The following MALRD1 variants were observed in gnomAD, a reference collection of about 807,000 sequenced individuals.
MALRD1 encodes MAM and LDL receptor class A domain containing 1, also known as MAM and LDL-receptor class A domain-containing protein 1.
Under a neutral mutation model 242.1 loss-of-function variants are expected in MALRD1, and 247 were observed. The observed-to-expected ratio is 1.02, with a 90% CI of 0.92 to 1.13. The LOEUF is 1.13. Ranked by LOEUF, MALRD1 falls within the 50% of genes most tolerant of loss-of-function variation. The pLI, the probability that MALRD1 is intolerant of heterozygous loss-of-function variation, is 0.00. For missense variants in MALRD1, 2,989 were observed against 2,533.1 expected (o/e 1.18, Z -3.86); for synonymous variants, 995 against 866.6 (o/e 1.15, Z -2.60).
At chr10:19,304,658 G>C (rs539703742) in intron 21 of MALRD1, among the ~76,000 whole-genome samples, 1 of 151,692 alleles carries the variant, frequency 6.6e-6, no homozygotes, top group Non-Finnish European at 1.5e-5. Context: ...TAACCTGCAT[G>C]TTGATTTGTG....
chr10:19,436,373 T>C (rs958235219), intron 28 of MALRD1, among the ~76,000 whole-genome samples: 6 of 152,186 alleles, frequency 3.9e-5, no homozygotes, highest in African/African-American at 1.4e-4. Flanking sequence ...CCAACTACAG[T>C]CTATTACCAC....
At chr10:19,228,302 C>A (rs917953467) in intron 18 of MALRD1, among the ~76,000 whole-genome samples, 2 of 152,062 alleles carry the variant, frequency 1.3e-5, no homozygotes, top group African/African-American at 4.8e-5. Flanking sequence ...ATGAAAGACA[C>A]CAATGTATCA....
At position 19,215,740 on chromosome 10, in the gene MALRD1, T is replaced by C. The variant is rs982356477; in HGVS notation, c.2991+6060T>C. Among the ~76,000 whole-genome samples, 23 of 87,420 alleles carry C rather than the reference T, an allele frequency of 2.6e-4. 9 individuals are homozygous for C. In the South Asian group the frequency reaches 2.9e-3, roughly 11 times the overall value. 57.4% of individuals were successfully genotyped at this position (87,420 alleles called of 152,430 possible). A position where few individuals can be genotyped will look rare whatever the true frequency, so the allele number is the denominator to read the frequency against. On this transcript the variant is annotated intron_variant, in intron 18 of 39. Transcript: ENST00000454679. ...TAATAAATTAGTATAAATAATTTAG[T>C]ATAAATAATAATTAGTATAAACAAA... is the stretch of plus-strand genomic sequence containing the variant.
At chr10:19,084,211 G>A (rs1483939740) in intron 2 of MALRD1, among the ~76,000 whole-genome samples, 1 of 151,946 alleles carries the variant, frequency 6.6e-6, no homozygotes, top group East Asian at 1.9e-4. Flanking sequence ...CAAAACGTAT[G>A]ATTCAAAGGA....
intron 24 of MALRD1, among the ~76,000 whole-genome samples, chr10:19,341,212 G>A (rs564423832): frequency 5.3e-5 from 8 of 151,746 alleles, no homozygotes; most frequent in African/African-American, 1.7e-4. Context: ...TAGTTCATAT[G>A]CATGTATTTG....
At chr10:19,406,909 G>A (rs534464550) in intron 28 of MALRD1, among the ~76,000 whole-genome samples, 6 of 152,192 alleles carry the variant, frequency 3.9e-5, no homozygotes, top group Admixed American at 2.6e-4. Context: ...AAAATAGGAG[G>A]ATAATCTGAT....
chr10:19,355,582 G>A (rs919440773), intron 26 of MALRD1, among the ~76,000 whole-genome samples: 4 of 151,068 alleles, frequency 2.6e-5, no homozygotes, highest in Admixed American at 1.3e-4. Flanking sequence ...TGCAATATTT[G>A]TATAGCTATC....
At chr10:19,262,185 G>T (rs74341687) in intron 19 of MALRD1, among the ~76,000 whole-genome samples, 2 of 151,502 alleles carry the variant, frequency 1.3e-5, no homozygotes, top group Non-Finnish European at 2.9e-5. Context: ...TTATAATATT[G>T]TTAATTTATT....
intron 18 of MALRD1, among the ~76,000 whole-genome samples, chr10:19,237,543 T>C (rs1838380839): frequency 7.4e-6 from 1 of 135,024 alleles, no homozygotes; most frequent in African/African-American, 2.7e-5. Flanking sequence ...TATAATTTTA[T>C]GTATAATTAT....
intron 8 of MALRD1, among the ~76,000 whole-genome samples, chr10:19,131,067 A>G (rs1359861253): frequency 6.6e-6 from 1 of 152,116 alleles, no homozygotes; most frequent in Non-Finnish European, 1.5e-5. Flanking sequence ...CTTTTCTGAC[A>G]CTATTTGCTA....
chr10:19,416,305 C>A (rs968119734), intron 28 of MALRD1, among the ~76,000 whole-genome samples: 1 of 152,072 alleles, frequency 6.6e-6, no homozygotes, highest in Non-Finnish European at 1.5e-5. Context: ...TCAGCATTTC[C>A]ACAATATGTG....
chr10:19,111,237 G>A (rs1392433537), intron 5 of MALRD1, among the ~76,000 whole-genome samples: 1 of 152,076 alleles, frequency 6.6e-6, no homozygotes, highest in African/African-American at 2.4e-5. Flanking sequence ...AGCAATCATA[G>A]TACAAGTGAG....
chr10:19,366,653 A>G (rs902074215), intron 26 of MALRD1, among the ~76,000 whole-genome samples: 1 of 152,130 alleles, frequency 6.6e-6, no homozygotes, highest in Non-Finnish European at 1.5e-5. Context: ...CTATTTCATA[A>G]TGTGCTTATG....
chr10:19,594,297 G>T (rs1837963068), intron 33 of MALRD1, among the ~76,000 whole-genome samples: 1 of 152,098 alleles, frequency 6.6e-6, no homozygotes, highest in Admixed American at 6.6e-5. Context: ...AAGAAATATT[G>T]TACTGATAAG....
intron 26 of MALRD1, among the ~76,000 whole-genome samples, chr10:19,372,017 C>A (rs1195530159): frequency 6.6e-6 from 1 of 152,096 alleles, no homozygotes; most frequent in East Asian, 1.9e-4. Flanking sequence ...TATTCCAGAA[C>A]ACATACAAGT....
chr10:19,583,912 G>A (rs1387195005), intron 33 of MALRD1, among the ~76,000 whole-genome samples: 1 of 152,078 alleles, frequency 6.6e-6, no homozygotes, highest in African/African-American at 2.4e-5. Flanking sequence ...TCCTGTTATT[G>A]GTCTATTCAG....
intron 26 of MALRD1, among the ~76,000 whole-genome samples, chr10:19,380,438 T>C (rs11009669): frequency 6.6e-6 from 1 of 151,804 alleles, no homozygotes; most frequent in Non-Finnish European, 1.5e-5. Context: ...TCCCCTCAGC[T>C]GTTCAGTAGT....
intron 18 of MALRD1, among the ~76,000 whole-genome samples, chr10:19,236,297 C>T (rs552153040): frequency 8.5e-5 from 13 of 152,254 alleles, no homozygotes; most frequent in African/African-American, 2.6e-4. Flanking sequence ...ATGACACTTA[C>T]CTGGAATGGC....
In MALRD1 at chr10:19,077,954, ATAAAG is replaced by A. The variant is rs755047037; in HGVS notation, c.341-9882_341-9878del. On this transcript the variant is annotated intron_variant, in intron 2 of 39. Coordinates refer to ENST00000454679, the MANE Select transcript of MALRD1 (RefSeq NM_001142308.3). ...TTCTTCAAACCTCAAAGCAAAACTCATAAAGTAATTTTATTTCCCTTCTTACATGA... is the reference window on the plus strand; with the variant it reads ...TTCTTCAAACCTCAAAGCAAAACTCATAATTTTATTTCCCTTCTTACATGA... Among the ~76,000 whole-genome samples the A allele has an allele frequency of 1.1e-4, 16 of 151,910 alleles. No homozygotes were observed. The East Asian group carries it at 1.6e-3, about 15-fold the overall frequency.
Sources: allele counts gnomAD v4.1 joint callset (sites outside exome capture counted in the v4.1 genomes callset), GRCh38; gene constraint gnomAD v4.1.1; transcripts MANE v1.5; gene names NCBI Gene and HGNC (gene_info 2026-07-23, HGNC 2026-07-21).